Variants in ANAPC1 observed in about 807,000 individuals in gnomAD.
ANAPC1 encodes anaphase-promoting complex subunit 1.
A neutral mutation model predicts 208.0 loss-of-function variants in ANAPC1; 36 were observed. The ratio of observed to expected loss-of-function variants is 0.17; its 90% CI spans 0.13 to 0.23. ANAPC1 has a LOEUF of 0.23. ANAPC1 is among the 10% of genes least tolerant of loss of function. ANAPC1 has a pLI of 1.00. For synonymous variants in ANAPC1, 378 were observed against 695.2 expected (o/e 0.54, Z 7.18); for missense variants, 942 against 2,011.6 (o/e 0.47, Z 10.17).
intron 22 of ANAPC1, 124 bp downstream of exon 22, chr2:111,825,653 A>G: frequency 1.1e-6 from 1 of 895,774 alleles, no homozygotes. Context: ...GCAACAGACC[A>G]GAACAGTACT....
chr2:111,834,125 A>C (rs1680335103), intron 19 of ANAPC1, among the ~76,000 whole-genome samples: 2 of 152,236 alleles, frequency 1.3e-5, no homozygotes, highest in Non-Finnish European at 2.9e-5. Flanking sequence ...AGCATAGCAA[A>C]ATGAGTCCAC....
chr2:111,847,013 C>G (rs1307381063), intron 16 of ANAPC1, 125 bp downstream of exon 16: 41 of 736,632 alleles, frequency 5.6e-5, no homozygotes, highest in Non-Finnish European at 8.6e-5. Flanking sequence ...CTCTTTAAAG[C>G]TCCTCTACAA....
chr2:111,810,337 A>T (rs1284728039), intron 28 of ANAPC1, among the ~76,000 whole-genome samples: 1 of 151,938 alleles, frequency 6.6e-6, no homozygotes, highest in Non-Finnish European at 1.5e-5. Context: ...GGGAGTCACC[A>T]CTAGTGGGTA....
intron 27 of ANAPC1, 98 bp downstream of exon 27, chr2:111,818,741 AG>A (rs1679362015): frequency 3.9e-6 from 2 of 509,822 alleles, no homozygotes; most frequent in African/African-American, 4.0e-5. Flanking sequence ...CACTGGGGAT[AG>A]AGGGAGCATT....
chr2:111,876,859 C>CTT (rs10636172), intron 3 of ANAPC1, among the ~76,000 whole-genome samples: 91,205 of 151,204 alleles, frequency 0.6, 27,979 homozygotes, highest in South Asian at 0.69. Flanking sequence ...TCCAAAACCT[C>CTT]GTCAACCCTA....
chr2:111,883,783 G>C (rs1683458823), intron 1 of ANAPC1, among the ~76,000 whole-genome samples, 159 bp downstream of exon 1: 1 of 152,222 alleles, frequency 6.6e-6, no homozygotes, highest in Non-Finnish European at 1.5e-5. Context: ...GCGCCCGCAG[G>C]CCCCCTCAGC....
chr2:111,794,260 T>C lies in ANAPC1; in HGVS notation c.4437A>G (p.Ser1479=). ...CLSLGFRFAG[S]ENLSAFNCLH... ...AACAGTTAAATGCTGATAAGTTTTCTGAGCCAGCAAATCGAAAACCCAGAG... is the reference window on the plus strand; with the variant it reads ...AACAGTTAAATGCTGATAAGTTTTCCGAGCCAGCAAATCGAAAACCCAGAG... Residue 1479 remains serine, a synonymous_variant, in exon 36 of 48, where the codon TCA becomes TCG. Coordinates refer to ENST00000341068, the MANE Select transcript of ANAPC1 (RefSeq NM_022662.4). 1 of 1,613,152 alleles carries C rather than the reference T, an allele frequency of 6.2e-7. No individual in the cohort carries two copies. Among genetic ancestry groups the C allele is most frequent in the Non-Finnish European group, 8.5e-7 (1 of 1,179,580 alleles).
intron 42 of ANAPC1, among the ~76,000 whole-genome samples, chr2:111,782,804 ATAT>A (rs1677356687): frequency 6.6e-6 from 1 of 152,180 alleles, no homozygotes; most frequent in South Asian, 2.1e-4. Flanking sequence ...TGTATTCCCT[ATAT>A]CCCCTAGCTC....
intron 3 of ANAPC1, among the ~76,000 whole-genome samples, chr2:111,876,835 C>T (rs1430327937): frequency 1.5e-5 from 2 of 134,272 alleles, no homozygotes; most frequent in African/African-American, 5.3e-5. Flanking sequence ...TGAAACTTAA[C>T]ATTAGTCAAA....
In ANAPC1 at chr2:111,829,335, G is replaced by C. The variant is rs367946095; in HGVS notation, c.2625+1951C>G. On this transcript the variant is annotated intron_variant, in intron 21 of 47. Transcript: ENST00000341068. ...TCTGTATGTCTGTTTTGGAGCCATG[G>C]GGGGGACTGTGAAGCACTTCTCACC... Among the ~76,000 whole-genome samples, 8 of 152,196 alleles carry C rather than the reference G, an allele frequency of 5.3e-5. 2 individuals are homozygous for C. Among genetic ancestry groups the C allele is most frequent in the African/African-American group, 1.7e-4 (7 of 41,484 alleles).
chr2:111,779,185 C>T (rs994315196), intron 44 of ANAPC1: 3 of 165,506 alleles, frequency 1.8e-5, no homozygotes, highest in African/African-American at 7.2e-5. Context: ...TGGGCATGGG[C>T]TTTATTAGAG....
chr2:111,776,069 G>A (rs1307902767), intron 46 of ANAPC1, among the ~76,000 whole-genome samples: 3 of 148,338 alleles, frequency 2.0e-5, no homozygotes, highest in Admixed American at 1.3e-4. Context: ...ATATTCAAAC[G>A]CTTAGGGTCT....
intron 43 of ANAPC1, among the ~76,000 whole-genome samples, chr2:111,781,576 C>T (rs1677276570): frequency 6.6e-6 from 1 of 152,294 alleles, no homozygotes; most frequent in African/African-American, 2.4e-5. Context: ...AGTCCTCTGG[C>T]TGCCACTCAT....
chr2:111,863,215 A>C (rs1192936054), intron 9 of ANAPC1, among the ~76,000 whole-genome samples: 1 of 152,088 alleles, frequency 6.6e-6, no homozygotes, highest in Non-Finnish European at 1.5e-5. Flanking sequence ...AATCTTAGTA[A>C]AAGTGGCTCA....
chr2:111,875,468 T>A (rs2311827), intron 3 of ANAPC1, among the ~76,000 whole-genome samples: 1 of 152,184 alleles, frequency 6.6e-6, no homozygotes, highest in Non-Finnish European at 1.5e-5. Context: ...ATCCCTGATA[T>A]CTAAGAGATC....
chr2:111,782,759 G>A (rs537360083), intron 42 of ANAPC1, among the ~76,000 whole-genome samples: 4 of 152,316 alleles, frequency 2.6e-5, no homozygotes, highest in South Asian at 2.1e-4. Flanking sequence ...GCTCAATTAC[G>A]AGCTTCGAAG....
intron 28 of ANAPC1, among the ~76,000 whole-genome samples, chr2:111,815,126 T>C (rs1436601104): frequency 3.3e-4 from 48 of 146,626 alleles, no homozygotes; most frequent in African/African-American, 1.2e-3. Context: ...CTCATTAAAT[T>C]CTACTCTGCC....
rs201101464 is a variant in ANAPC1 at position 111,845,205 on chromosome 2, TC to T, written c.1853-1607del. Among the ~76,000 whole-genome samples, 111 of 152,244 alleles carry T rather than the reference TC, an allele frequency of 7.3e-4. 1 individual carries two copies. In the East Asian group the frequency reaches 0.02, roughly 27 times the overall value. On this transcript the variant is annotated intron_variant, in intron 16 of 47. Coordinates refer to ENST00000341068, the MANE Select transcript of ANAPC1 (RefSeq NM_022662.4). ...ATAGCACTACACTGTCATACAATGA[TC>T]CCCTCAGAGTGGCCAGGGCTACCAC... is the stretch of plus-strand genomic sequence containing the variant.
intron 27 of ANAPC1, among the ~76,000 whole-genome samples, chr2:111,817,655 G>A (rs1287761411): frequency 1.3e-5 from 2 of 151,142 alleles, no homozygotes; most frequent in African/African-American, 4.9e-5. Flanking sequence ...ACAAATCTGA[G>A]TGGAACTCTG....
Sources: gnomAD v4.1 joint callset for allele counts (sites outside exome capture counted in the v4.1 genomes callset) on GRCh38, gnomAD v4.1.1 for gene constraint, MANE v1.5 for transcripts, NCBI Gene and HGNC (gene_info 2026-07-23, HGNC 2026-07-21) for gene names.